ITPKB: variants seen among roughly 807,000 people sequenced by gnomAD.
ITPKB encodes the protein IP3 3-kinase B.
Under a neutral mutation model 69.4 loss-of-function variants are expected in ITPKB, and 13 were observed. That is an observed-to-expected ratio of 0.19 (90% CI 0.12 to 0.30). The LOEUF is 0.30. ITPKB is among the 10% of genes least tolerant of loss of function. The probability of loss-of-function intolerance (pLI) is 1.00; values close to 1 mark genes in which losing one functional copy is unlikely to be tolerated. For synonymous variants in ITPKB, 584 were observed against 513.7 expected (o/e 1.14, Z -1.85); for missense variants, 1,240 against 1,250.5 (o/e 0.99, Z 0.13).
intron 2 of ITPKB, among the ~76,000 whole-genome samples, chr1:226,700,742 A>G (rs1656617472): frequency 6.6e-6 from 1 of 152,166 alleles, no homozygotes; most frequent in African/African-American, 2.4e-5. Flanking sequence ...CAAAGGTTAC[A>G]CTGCCTGCAG....
intron 2 of ITPKB, chr1:226,659,474 C>T (rs1669360549): frequency 6.6e-6 from 1 of 152,274 alleles, no homozygotes; most frequent in Non-Finnish European, 1.5e-5. Flanking sequence ...TGCCCCACCT[C>T]CAGGTCTGCT....
intron 2 of ITPKB, among the ~76,000 whole-genome samples, chr1:226,697,407 C>A (rs1009860764): frequency 6.6e-6 from 1 of 152,170 alleles, no homozygotes; most frequent in Non-Finnish European, 1.5e-5. Context: ...AACAGAATTT[C>A]CCCCTTTAGA....
Position 226,642,201 on chromosome 1 carries a change from G to T in ITPKB, c.2247-76C>A. 7.9e-7 allele frequency: 1 copy of T among 1,262,998 alleles called. No homozygotes were observed. The highest frequency in any genetic ancestry group is 1.1e-6 in the Non-Finnish European group (1 of 892,496). The allele number at this position is 1,262,998 out of a possible 1,614,324, so 78.2% of individuals were successfully genotyped here. On this transcript the variant is annotated intron_variant, in intron 4 of 7. Transcript: ENST00000429204. This position sits in a 1 kb window ranked among gnomAD's most constrained non-coding sequence, Gnocchi z 6.4. ...CCAGCAGCTCCTTTCCTGCCTGGTG[G>T]ATGAAGGTTTGGGGCGTGTGTTGCC... is the stretch of plus-strand genomic sequence containing the variant.
intron 2 of ITPKB, among the ~76,000 whole-genome samples, chr1:226,659,144 G>C (rs1669353569): frequency 6.6e-6 from 1 of 152,170 alleles, no homozygotes; most frequent in Non-Finnish European, 1.5e-5. Flanking sequence ...GCTGTCTCCT[G>C]ATTAGCTGCC....
At chr1:226,700,102 G>A (rs1347398962) in intron 2 of ITPKB, among the ~76,000 whole-genome samples, 1 of 152,122 alleles carries the variant, frequency 6.6e-6, no homozygotes, top group Non-Finnish European at 1.5e-5. Context: ...TTAAGGGTGG[G>A]TCTGCCTTTC....
intron 5 of ITPKB, 141 bp from the exon 6 acceptor site, chr1:226,639,799 G>A (rs1423063375): frequency 7.5e-6 from 5 of 669,000 alleles, no homozygotes; most frequent in African/African-American, 1.8e-5. Flanking sequence ...AGGTGTCCAC[G>A]TATGGCGCAT....
At chr1:226,712,149 C>T (rs1421355525) in intron 2 of ITPKB, among the ~76,000 whole-genome samples, 1 of 152,156 alleles carries the variant, frequency 6.6e-6, no homozygotes, top group Non-Finnish European at 1.5e-5. Flanking sequence ...CCGGAGACCT[C>T]AGAGCATGGG....
In ITPKB at chr1:226,736,324, A is replaced by C. The variant is rs936873356; in HGVS notation, c.1135T>G (p.Cys379Gly). 2.5e-6 allele frequency: 4 copies of C among 1,611,656 alleles called. No individual in the cohort carries two copies. In the Admixed American group the frequency reaches 6.7e-5, roughly 27 times the overall value. ...GGCTCCCCAGAGCCCGGCATGCCACAGGGCAGATATCCTTTCCCCATCTTC... is the reference window on the plus strand; with the variant it reads ...GGCTCCCCAGAGCCCGGCATGCCACCGGGCAGATATCCTTTCCCCATCTTC... ...PGKMGKGYLP[C>G]GMPGSGEPEV... The change falls in exon 2 of 8, where the codon TGT (cysteine) becomes GGT (glycine). Residue 379 changes from cysteine to glycine, a missense_variant. Coordinates refer to ENST00000429204, the MANE Select transcript of ITPKB (RefSeq NM_002221.4).
At chr1:226,635,874 T>C (rs1233806099) in intron 7 of ITPKB, among the ~76,000 whole-genome samples, 1 of 152,226 alleles carries the variant, frequency 6.6e-6, no homozygotes, top group Non-Finnish European at 1.5e-5. Flanking sequence ...CACATACCCC[T>C]GCATCACCTC....
At chr1:226,675,400 A>G (rs1038461988) in intron 2 of ITPKB, among the ~76,000 whole-genome samples, 8 of 152,248 alleles carry the variant, frequency 5.3e-5, no homozygotes, top group African/African-American at 1.7e-4. Context: ...CGAAGCACAG[A>G]TCAGGACACA....
chr1:226,737,998 G>C (rs1571885830), intron 1 of ITPKB, among the ~76,000 whole-genome samples: 1 of 152,312 alleles, frequency 6.6e-6, no homozygotes, highest in Admixed American at 6.5e-5. Flanking sequence ...GCTGTGTGCG[G>C]GGCGCGGCTG....
At position 226,736,728 on chromosome 1, in the gene ITPKB, G is replaced by A. The variant is rs1407249961; in HGVS notation, c.731C>T (p.Thr244Ile). Residue 244 changes from threonine (T) to isoleucine (I), a missense_variant, in exon 2 of 8, where the codon ACA (threonine) becomes ATA (isoleucine). Coordinates refer to ENST00000429204, the MANE Select transcript of ITPKB (RefSeq NM_002221.4). ...MPPLPGRAAP[T>I]GSEAQGPSAF... ...GGATGGACCCTGAGCCTCTGATCCTGTAGGGGCAGCCCGGCCGGGAAGAGG... is the reference window on the plus strand; with the variant it reads ...GGATGGACCCTGAGCCTCTGATCCTATAGGGGCAGCCCGGCCGGGAAGAGG... 4 of 1,612,714 alleles carry A rather than the reference G, an allele frequency of 2.5e-6. No individual in the cohort carries two copies. The highest frequency in any genetic ancestry group is 3.4e-6 in the Non-Finnish European group (4 of 1,179,784).
In ITPKB at chr1:226,641,808, T is replaced by G; in HGVS notation, c.2451+113A>C. The G allele has an allele frequency of 9.9e-7, 1 of 1,011,840 alleles. No homozygotes were observed. The highest frequency in any genetic ancestry group is 1.5e-6 in the Non-Finnish European group (1 of 681,868). 62.7% of individuals were successfully genotyped at this position (1,011,840 alleles called of 1,614,324 possible). On this transcript the variant is annotated intron_variant, in intron 5 of 7. Coordinates refer to ENST00000429204, the MANE Select transcript of ITPKB (RefSeq NM_002221.4). The surrounding 1 kb of genome is among the most constrained non-coding windows in gnomAD (Gnocchi z 4.6). ...CTGGCCTTGGGGCGGGCCACCCACA[T>G]TCTGAGCCTGTGCCTGGAGAAGCTT... is the stretch of plus-strand genomic sequence containing the variant.
At chr1:226,659,304 G>C (rs898312037) in intron 2 of ITPKB, among the ~76,000 whole-genome samples, 1 of 152,070 alleles carries the variant, frequency 6.6e-6, no homozygotes, top group African/African-American at 2.4e-5. Context: ...AGACGGCAAG[G>C]ACAGGGCTCC....
At chr1:226,654,836 T>G (rs1287621967) in intron 2 of ITPKB, among the ~76,000 whole-genome samples, 2 of 151,930 alleles carry the variant, frequency 1.3e-5, no homozygotes, top group Non-Finnish European at 2.9e-5. Flanking sequence ...GGGCATAACC[T>G]CCAGGTCTAG....
rs1000942114 is a variant in ITPKB at position 226,736,556 on chromosome 1, C to A, written c.903G>T (p.Thr301=). The part of the protein sequence containing the change: ...PSLGLFGASL[T]MATEVAARVT... ...CTCTCGCTGCCACTTCCGTGGCCAT[C>A]GTTAAGCTAGCTCCGAACAGCCCCA... Residue 301 remains threonine (T), a synonymous_variant, in exon 2 of 8, where the codon ACG becomes ACT. Coordinates refer to ENST00000429204, the MANE Select transcript of ITPKB (RefSeq NM_002221.4). The A allele has an allele frequency of 6.2e-7, 1 of 1,613,988 alleles. No homozygotes were observed. Among genetic ancestry groups the A allele is most frequent in the Admixed American group, 1.7e-5 (1 of 60,036 alleles).
At chr1:226,723,927 G>A (rs1273559912) in intron 2 of ITPKB, among the ~76,000 whole-genome samples, 1 of 152,152 alleles carries the variant, frequency 6.6e-6, no homozygotes. Context: ...CCTGCTGCCT[G>A]TTTTGTCATC....
chr1:226,640,654 G>C (rs1161612063), intron 5 of ITPKB, among the ~76,000 whole-genome samples: 3 of 152,198 alleles, frequency 2.0e-5, no homozygotes, highest in Admixed American at 2.0e-4. Flanking sequence ...GAGGTGAAGG[G>C]AAAGTGGATT....
At chr1:226,720,020 G>A (rs545183497) in intron 2 of ITPKB, among the ~76,000 whole-genome samples, 1 of 152,334 alleles carries the variant, frequency 6.6e-6, no homozygotes, top group East Asian at 1.9e-4. Context: ...TTAGGGTTAA[G>A]AGTTCTCTTC....
Sources: gnomAD v4.1 joint callset for allele counts (sites outside exome capture counted in the v4.1 genomes callset) on GRCh38, gnomAD v4.1.1 for gene constraint, Gnocchi (gnomAD v3.1) non-coding constraint, MANE v1.5 for transcripts, NCBI Gene and HGNC (gene_info 2026-07-23, HGNC 2026-07-21) for gene names.